SLC66A2: variants seen among roughly 807,000 people sequenced by gnomAD.
The protein encoded by SLC66A2 is PQ loop repeat containing 1.
SLC66A2 carries 23 observed loss-of-function variants against 25.5 expected under a neutral mutation model. The ratio of observed to expected loss-of-function variants is 0.90; its 90% CI spans 0.65 to 1.28. The LOEUF (loss-of-function observed/expected upper bound fraction) is 1.28. Ranked by LOEUF, SLC66A2 falls within the 50% of genes most tolerant of loss-of-function variation. The pLI is 0.00. For synonymous variants in SLC66A2, 193 were observed against 166.5 expected (o/e 1.16, Z -1.23); for missense variants, 396 against 373.1 (o/e 1.06, Z -0.51).
rs141580922 is a variant in SLC66A2 at position 79,943,360 on chromosome 18, G to A, written c.306C>T (p.Asn102=). ...LKLCTEVRVA[N]ELNARRRSFT... ...AGGAGCGGCGCCTGGCGTTGAGCTCGTTGGCCACACGGACCTCGGTGCACA... is the reference window on the plus strand; with the variant it reads ...AGGAGCGGCGCCTGGCGTTGAGCTCATTGGCCACACGGACCTCGGTGCACA... The change falls in exon 3 of 6, where the codon AAC becomes AAT. Residue 102 remains asparagine (N), a synonymous_variant. Transcript: ENST00000397778. 91 of 1,614,154 alleles carry A rather than the reference G, an allele frequency of 5.6e-5. No homozygotes were observed. Among genetic ancestry groups the A allele is most frequent in the African/African-American group, 5.2e-4 (39 of 75,056 alleles).
chr18:79,931,885 C>T (rs1986607763), intron 4 of SLC66A2, among the ~76,000 whole-genome samples: 2 of 152,094 alleles, frequency 1.3e-5, no homozygotes, highest in African/African-American at 2.4e-5. Flanking sequence ...GGGACGGTGG[C>T]ACACACCTAT....
rs1389768859 is a variant in SLC66A2, at chr18:79,941,844, A to G, written c.337+1485T>C. ...CATGTCCAGAGCCCGAGGACAGCAG[A>G]AACACCCAGCAACGCACTGGGCATC... On this transcript the variant is annotated intron_variant, in intron 3 of 5. Transcript: ENST00000397778. The surrounding 1 kb of genome is among the most constrained non-coding windows in gnomAD (Gnocchi z 4.1). 1 of 152,322 alleles carries G rather than the reference A, an allele frequency of 6.6e-6. No homozygotes were observed. The highest frequency in any genetic ancestry group is 1.5e-5 in the Non-Finnish European group (1 of 68,138). The allele number at this position is 152,322 out of a possible 1,614,324, so 9.4% of individuals were successfully genotyped here.
In SLC66A2 at chr18:79,927,477, C is replaced by G. The variant is rs755145371; in HGVS notation, c.391+6492G>C. Among the ~76,000 whole-genome samples, 1 of 152,224 alleles carries G rather than the reference C, an allele frequency of 6.6e-6. No homozygotes were observed. Among genetic ancestry groups the G allele is most frequent in the African/African-American group, 2.4e-5 (1 of 41,452 alleles). Reference sequence around the variant, plus strand: ...AGGATTTTAACAAAGACGGCCACACCACCTGCTGCAGAATGAGTATAAATG... The same window carrying G: ...AGGATTTTAACAAAGACGGCCACACGACCTGCTGCAGAATGAGTATAAATG... On this transcript the variant is annotated intron_variant, in intron 4 of 5. Transcript: ENST00000397778. The surrounding 1 kb of genome is among the most constrained non-coding windows in gnomAD (Gnocchi z 6.2).
intron 4 of SLC66A2, among the ~76,000 whole-genome samples, chr18:79,924,415 C>G (rs1020980488): frequency 1.2e-4 from 18 of 152,250 alleles, no homozygotes; most frequent in East Asian, 1.2e-3. Context: ...GCCGTCGGGG[C>G]TGGGGGAAGA....
chr18:79,908,843 T>C (rs1982514093), intron 5 of SLC66A2, among the ~76,000 whole-genome samples: 1 of 152,242 alleles, frequency 6.6e-6, no homozygotes, highest in East Asian at 1.9e-4. Flanking sequence ...ATCTATTTGG[T>C]TTTCTTTAAA....
rs1247946079 is a variant in SLC66A2 at position 79,941,878 on chromosome 18, A to T, written c.337+1451T>A. 1 of 151,844 alleles carries T rather than the reference A, an allele frequency of 6.6e-6. No homozygotes were observed. The highest frequency in any genetic ancestry group is 1.5e-5 in the Non-Finnish European group (1 of 68,026). The allele number at this position is 151,844 out of a possible 1,614,324, so 9.4% of individuals were successfully genotyped here. On this transcript the variant is annotated intron_variant, in intron 3 of 5. Transcript: ENST00000397778. This position sits in a 1 kb window ranked among gnomAD's most constrained non-coding sequence, Gnocchi z 4.1. ...GCAACGCACTGGGCATCTTAGGCAC[A>T]AATGTCCAGAGCCCGAGGACAGCAG...
intron 3 of SLC66A2, among the ~76,000 whole-genome samples, chr18:79,939,296 G>GT (rs1987423413): frequency 6.6e-6 from 1 of 152,052 alleles, no homozygotes; most frequent in Non-Finnish European, 1.5e-5. Flanking sequence ...GCCAAGAATT[G>GT]TGCCTCTCAA....
intron 2 of SLC66A2, chr18:79,943,695 T>C: frequency 2.2e-6 from 1 of 464,278 alleles, no homozygotes; most frequent in Non-Finnish European, 3.8e-6. Flanking sequence ...CCATGCCGCC[T>C]CTCCTGGTCC....
chr18:79,932,791 A>G (rs570607770), intron 4 of SLC66A2, among the ~76,000 whole-genome samples: 2 of 152,218 alleles, frequency 1.3e-5, no homozygotes, highest in African/African-American at 2.4e-5. Context: ...GACTTATAAC[A>G]AGAGATTGAA....
chr18:79,921,901 A>G (rs11665374), intron 4 of SLC66A2, among the ~76,000 whole-genome samples: 260 of 6,604 alleles, frequency 0.039, 90 homozygotes, highest in Middle Eastern at 1. Flanking sequence ...GGAGAGGTCA[A>G]GGTCAGTGAC....
At chr18:79,914,560 G>C (rs1983707410) in intron 5 of SLC66A2, among the ~76,000 whole-genome samples, 1 of 127,968 alleles carries the variant, frequency 7.8e-6, no homozygotes, top group Non-Finnish European at 1.8e-5. Context: ...AGTGGCAAAG[G>C]GGAGAGACAC....
At chr18:79,934,163 C>A (rs1986852922) in intron 3 of SLC66A2, 141 bp from the exon 4 acceptor site, 2 of 736,412 alleles carry the variant, frequency 2.7e-6, no homozygotes, top group Non-Finnish European at 4.5e-6. Flanking sequence ...AGAAAGATCA[C>A]AAGATTTTGG....
At position 79,904,546 on chromosome 18, in the gene SLC66A2, G is replaced by C. The variant is rs1436091160; in HGVS notation, c.609-363C>G. Reference sequence around the variant, plus strand: ...GTGAGACCAGCTCGAGGCTACAGGGGACAGCAGGGCGAGCAGCTGACGTCA... The same window carrying C: ...GTGAGACCAGCTCGAGGCTACAGGGCACAGCAGGGCGAGCAGCTGACGTCA... On this transcript the variant is annotated intron_variant, in intron 5 of 5. Coordinates refer to ENST00000397778, the MANE Select transcript of SLC66A2 (RefSeq NM_025078.5). The surrounding 1 kb of genome is among the most constrained non-coding windows in gnomAD (Gnocchi z 6.3). 6.6e-6 allele frequency among the ~76,000 whole-genome samples: 1 copy of C among 152,150 alleles called. No individual in the cohort carries two copies. The highest frequency in any genetic ancestry group is 2.4e-5 in the African/African-American group (1 of 41,430).
At chr18:79,943,554 G>T in intron 2 of SLC66A2, 92 bp from the exon 3 acceptor site, 1 of 1,485,482 alleles carries the variant, frequency 6.7e-7, no homozygotes, top group Admixed American at 1.9e-5. Flanking sequence ...GGTCAGGAGG[G>T]AGGCCCACCC....
At position 79,940,201 on chromosome 18, in the gene SLC66A2, AG is replaced by A. The variant is rs768851436; in HGVS notation, c.337+3127del. ...ATGATGAGAACACATGGACACACAGAGGGGAACAACAGCCACTAGAGCCTGT... is the reference window on the plus strand; with the variant it reads ...ATGATGAGAACACATGGACACACAGAGGGAACAACAGCCACTAGAGCCTGT... On this transcript the variant is annotated intron_variant, in intron 3 of 5. Transcript: ENST00000397778. The surrounding 1 kb of genome is among the most constrained non-coding windows in gnomAD (Gnocchi z 4.1). 4.9e-4 allele frequency among the ~76,000 whole-genome samples: 74 copies of A among 152,174 alleles called. No individual in the cohort carries two copies. The highest frequency in any genetic ancestry group is 9.1e-4 in the Non-Finnish European group (62 of 68,030).
chr18:79,918,604 G>A lies in SLC66A2; in HGVS notation c.608+580C>T, dbSNP rs534442830. 1.2e-4 allele frequency among the ~76,000 whole-genome samples: 19 copies of A among 152,364 alleles called. No individual in the cohort carries two copies. The highest frequency in any genetic ancestry group is 7.7e-4 in the East Asian group (4 of 5,190). On this transcript the variant is annotated intron_variant, in intron 5 of 5. Transcript: ENST00000397778. This position sits in a 1 kb window ranked among gnomAD's most constrained non-coding sequence, Gnocchi z 4.0. ...GCAGTTTCCATCCAGGACCTTGACT[G>A]AGCCCGTGGGCATCATGCTGCTCGC...
At chr18:79,928,044 C>T (rs1163016540) in intron 4 of SLC66A2, among the ~76,000 whole-genome samples, 6 of 152,206 alleles carry the variant, frequency 3.9e-5, no homozygotes, top group African/African-American at 1.4e-4. Context: ...CTCAGTGGGG[C>T]ACCCAACGGT....
rs1198213695 is a variant in SLC66A2 at position 79,943,451 on chromosome 18, C to T, written c.215G>A (p.Arg72His). Reference protein sequence around the residue: ...ILRILFWFGRRFESPLLWQSA... With the variant: ...ILRILFWFGRHFESPLLWQSA... ...CTGCCACAGCAGCGGGGACTCAAAG[C>T]GCCTTCCAAACCTGCGGGAGAGACA... Residue 72 changes from arginine (R) to histidine (H), a missense_variant, in exon 3 of 6, where the codon CGC becomes CAC. Physicochemically the swap from Arg to His is conservative, Grantham distance 29. Transcript: ENST00000397778. 11 of 1,613,802 alleles carry T rather than the reference C, an allele frequency of 6.8e-6. No homozygotes were observed. Among genetic ancestry groups the T allele is most frequent in the Admixed American group, 1.7e-5 (1 of 59,994 alleles).
rs375112470 is a variant in SLC66A2, at chr18:79,943,411, G to A, written c.255C>T (p.Ile85=). The A allele has an allele frequency of 3.0e-5, 48 of 1,614,084 alleles. No individual in the cohort carries two copies. Among genetic ancestry groups the A allele is most frequent in the Admixed American group, 8.3e-5 (5 of 60,008 alleles). Residue 85 remains isoleucine, a synonymous_variant, in exon 3 of 6, where the codon ATC becomes ATT. Coordinates refer to ENST00000397778, the MANE Select transcript of SLC66A2 (RefSeq NM_025078.5). ...GCTTCAGCATCAGCAGCATGGTCAGGATCATGATGGCGCTCTGCCACAGCA... is the reference window on the plus strand; with the variant it reads ...GCTTCAGCATCAGCAGCATGGTCAGAATCATGATGGCGCTCTGCCACAGCA... The part of the protein sequence containing the change: ...SPLLWQSAIM[I]LTMLLMLKLC...
Sources: gnomAD v4.1 joint callset for allele counts (sites outside exome capture counted in the v4.1 genomes callset) on GRCh38, gnomAD v4.1.1 for gene constraint, Gnocchi (gnomAD v3.1) non-coding constraint, MANE v1.5 for transcripts, NCBI Gene and HGNC (gene_info 2026-07-23, HGNC 2026-07-21) for gene names.